Variants in UBR2 observed in about 807,000 individuals in gnomAD.
UBR2 encodes the protein E3 ubiquitin-protein ligase UBR2.
A neutral mutation model predicts 247.9 loss-of-function variants in UBR2; 92 were observed. The observed-to-expected ratio is 0.37, with a 90% CI of 0.31 to 0.44. The LOEUF is 0.44. Ranked by LOEUF, UBR2 falls within the 20% of genes least tolerant of loss-of-function variation. The pLI, the probability that UBR2 is intolerant of heterozygous loss-of-function variation, is 1.00. For synonymous variants in UBR2, 672 were observed against 693.5 expected, an observed-to-expected ratio of 0.97 and a Z score of 0.49; for missense variants, 1,613 against 2,112.6, an observed-to-expected ratio of 0.76 and a Z score of 4.64.
In UBR2 at chr6:42,659,234, G is replaced by A. The variant is rs985671267; in HGVS notation, c.3242+410G>A. Among the ~76,000 whole-genome samples the A allele has an allele frequency of 3.3e-5, 5 of 152,068 alleles. No individual in the cohort carries two copies. The highest frequency in any genetic ancestry group is 7.2e-5 in the African/African-American group (3 of 41,416). On this transcript the variant is annotated intron_variant, in intron 29 of 46. Coordinates refer to ENST00000372901, the MANE Select transcript of UBR2 (RefSeq NM_001363705.2). This position sits in a 1 kb window ranked among gnomAD's most constrained non-coding sequence, Gnocchi z 4.3. ...TTCCTGGCTGTGCGTGGTGGCTCAC[G>A]CCTGTAATCCCAGCACTTCGGGAGG...
chr6:42,679,854 T>C, intron 42 of UBR2, 22 bp downstream of exon 42: 2 of 1,555,512 alleles, frequency 1.3e-6, no homozygotes, highest in Non-Finnish European at 1.8e-6. Flanking sequence ...ATACTTTTCT[T>C]TGTTGTATTA....
rs1341497758 is a variant in UBR2, at chr6:42,652,492, A to C, written c.2616A>C (p.Ala872=). The C allele has an allele frequency of 6.3e-7, 1 of 1,596,536 alleles. No individual in the cohort carries two copies. Among genetic ancestry groups the C allele is most frequent in the Admixed American group, 1.9e-5 (1 of 53,748 alleles). Reference sequence around the variant, plus strand: ...CAATAATAACAACTGTATTTTCAGCACTCCCACCTCCGGTGTTGCCTCCAT... The same window carrying C: ...CAATAATAACAACTGTATTTTCAGCCCTCCCACCTCCGGTGTTGCCTCCAT... ...KLKRQNREDT[A]LPPPVLPPFC... is the part of the protein sequence containing the mutation. The change falls in exon 25 of 47, where the codon GCA becomes GCC. Residue 872 remains alanine (A), a splice_region_variant and synonymous_variant. Transcript: ENST00000372901.
chr6:42,646,807 TTA>T (rs369889480), intron 21 of UBR2, among the ~76,000 whole-genome samples: 92 of 148,432 alleles, frequency 6.2e-4, no homozygotes, highest in African/African-American at 1.3e-3. Context: ...ATATATATGT[TTA>T]TATATATATA....
chr6:42,628,074 G>A (rs1301151928), intron 11 of UBR2, among the ~76,000 whole-genome samples: 2 of 152,112 alleles, frequency 1.3e-5, no homozygotes, highest in African/African-American at 4.8e-5. Context: ...TGAGGGAAAA[G>A]CAGCTGCAGA....
chr6:42,671,998 A>G (rs1385902100), intron 36 of UBR2, among the ~76,000 whole-genome samples: 1 of 151,792 alleles, frequency 6.6e-6, no homozygotes, highest in Non-Finnish European at 1.5e-5. Context: ...GTTTTAGTTA[A>G]TTTCACCACT....
rs140717254 is a variant in UBR2 at position 42,569,941 on chromosome 6, T to C, written c.79-3793T>C. On this transcript the variant is annotated intron_variant, in intron 1 of 46. Coordinates refer to ENST00000372901, the MANE Select transcript of UBR2 (RefSeq NM_001363705.2). ...TAGTAAGATAGTGAATGCTTATTAC[T>C]CTCTTATGCCACATGGGTGTGACAG... Among the ~76,000 whole-genome samples the C allele has an allele frequency of 2.9e-3, 437 of 152,334 alleles. 5 individuals carry two copies. Among genetic ancestry groups the C allele is most frequent in the Admixed American group, 0.015 (232 of 15,306 alleles).
chr6:42,645,884 T>C (rs1796723938), intron 21 of UBR2, among the ~76,000 whole-genome samples: 1 of 152,204 alleles, frequency 6.6e-6, no homozygotes, highest in South Asian at 2.1e-4. Flanking sequence ...GAGGTCATTA[T>C]AGGGTCTTTA....
chr6:42,617,509 TAAGTACTG>T lies in UBR2; in HGVS notation c.1281+5_1281+12del. 1 of 1,550,882 alleles carries T rather than the reference TAAGTACTG, an allele frequency of 6.4e-7. No individual in the cohort carries two copies. The highest frequency in any genetic ancestry group is 8.7e-7 in the Non-Finnish European group (1 of 1,146,868). On this transcript the variant is annotated splice_donor_5th_base_variant and intron_variant, in intron 11 of 46. Transcript: ENST00000372901. Reference sequence around the variant, plus strand: ...CAGATATTCACGGTTCCTTCACTTGTAAGTACTGAAAGACTAGAAGAACTTTCTTGTTT... The same window carrying T: ...CAGATATTCACGGTTCCTTCACTTGTAAAGACTAGAAGAACTTTCTTGTTT...
At chr6:42,574,053 C>G in intron 2 of UBR2, 60 bp downstream of exon 2, 1 of 1,444,064 alleles carries the variant, frequency 6.9e-7, no homozygotes, top group Non-Finnish European at 9.1e-7. Context: ...CTTTTTTTCC[C>G]TGGAACTTTT....
intron 7 of UBR2, among the ~76,000 whole-genome samples, chr6:42,611,741 A>T (rs997279475): frequency 6.6e-6 from 1 of 151,726 alleles, no homozygotes; most frequent in Admixed American, 6.6e-5. Flanking sequence ...CCCTGTCTCT[A>T]CTAAAAATAC....
chr6:42,641,773 C>T lies in UBR2; in HGVS notation c.2031+81C>T, dbSNP rs116158056. The T allele has an allele frequency of 9.4e-4, 1,028 of 1,089,958 alleles. 6 individuals are homozygous for T. In the African/African-American group the frequency reaches 0.015, roughly 16 times the overall value. The allele number at this position is 1,089,958 out of a possible 1,614,324, so 67.5% of individuals were successfully genotyped here. On this transcript the variant is annotated intron_variant, in intron 17 of 46. Coordinates refer to ENST00000372901, the MANE Select transcript of UBR2 (RefSeq NM_001363705.2). ...GGTTGTAATTTTCAGTGGACTTAGTCAGTGAAAGCTGAGTATCTATATTAA... is the reference window on the plus strand; with the variant it reads ...GGTTGTAATTTTCAGTGGACTTAGTTAGTGAAAGCTGAGTATCTATATTAA...
At chr6:42,583,766 T>G (rs1482769426) in intron 2 of UBR2, among the ~76,000 whole-genome samples, 1 of 151,940 alleles carries the variant, frequency 6.6e-6, no homozygotes, top group Non-Finnish European at 1.5e-5. Flanking sequence ...TCAAATGATC[T>G]GCCCACCTCC....
intron 11 of UBR2, chr6:42,619,441 A>ATTTTTTTT (rs1219290729): frequency 1.9e-4 from 5 of 26,642 alleles, no homozygotes; most frequent in Non-Finnish European, 2.2e-4. Context: ...ATATATATAT[A>ATTTTTTTT]TATATATATA....
chr6:42,677,124 G>A (rs888187107), intron 40 of UBR2, among the ~76,000 whole-genome samples: 3 of 152,198 alleles, frequency 2.0e-5, no homozygotes, highest in Non-Finnish European at 2.9e-5. Context: ...TTTGCTCAGG[G>A]ATCTGGCAGA....
At chr6:42,613,996 G>A (rs1283009283) in intron 8 of UBR2, among the ~76,000 whole-genome samples, 1 of 150,872 alleles carries the variant, frequency 6.6e-6, no homozygotes, top group African/African-American at 2.4e-5. Context: ...CCAACATGGT[G>A]TGAAACCCCG....
intron 5 of UBR2, among the ~76,000 whole-genome samples, chr6:42,604,982 G>T (rs138528960): frequency 9.8e-4 from 149 of 151,816 alleles, no homozygotes; most frequent in East Asian, 4.8e-3. Context: ...AGCCAAGATT[G>T]TGCCACTGCA....
At chr6:42,594,403 C>G in intron 4 of UBR2, 99 bp downstream of exon 4, 3 of 861,808 alleles carry the variant, frequency 3.5e-6, no homozygotes, top group Non-Finnish European at 5.5e-6. Context: ...AATAGTACTT[C>G]CACTATTGAC....
rs111814095 is a variant in UBR2, at chr6:42,602,444, C to T, written c.532-1144C>T. On this transcript the variant is annotated intron_variant, in intron 4 of 46. Transcript: ENST00000372901. Reference sequence around the variant, plus strand: ...GTTTCAATCTCCTGACCTCGCGATCCGCCTGCATCAGCCTCACAAAGTGCT... The same window carrying T: ...GTTTCAATCTCCTGACCTCGCGATCTGCCTGCATCAGCCTCACAAAGTGCT... Among the ~76,000 whole-genome samples, 201 of 151,978 alleles carry T rather than the reference C, an allele frequency of 1.3e-3. 3 individuals carry two copies. The highest frequency in any genetic ancestry group is 4.6e-3 in the African/African-American group (189 of 41,470).
chr6:42,569,277 A>G (rs1475106187), intron 1 of UBR2, among the ~76,000 whole-genome samples: 2 of 152,218 alleles, frequency 1.3e-5, no homozygotes, highest in Admixed American at 6.5e-5. Flanking sequence ...CATTCCCACC[A>G]GTAGTGCATG....
Sources: gnomAD v4.1 joint callset for allele counts (sites outside exome capture counted in the v4.1 genomes callset) on GRCh38, gnomAD v4.1.1 for gene constraint, Gnocchi (gnomAD v3.1) non-coding constraint, MANE v1.5 for transcripts, NCBI Gene and HGNC (gene_info 2026-07-23, HGNC 2026-07-21) for gene names.